TMEM132D: variants seen among roughly 807,000 people sequenced by gnomAD.
TMEM132D encodes the protein mature OL transmembrane protein.
In TMEM132D, 21 loss-of-function variants were observed where a neutral mutation model predicts 62.3. That is an observed-to-expected ratio of 0.34 (90% confidence interval 0.24 to 0.49). TMEM132D has a LOEUF of 0.49. Among genes scored for constraint, TMEM132D ranks in the 20% least tolerant of loss-of-function variants. The pLI is 0.99. For missense variants in TMEM132D, 1,346 were observed against 1,402.8 expected (o/e 0.96, Z 0.65); for synonymous variants, 621 against 575.6 (o/e 1.08, Z -1.13).
At chr12:129,354,683 A>G (rs1182411443) in intron 3 of TMEM132D, among the ~76,000 whole-genome samples, 2 of 152,138 alleles carry the variant, frequency 1.3e-5, no homozygotes, top group Non-Finnish European at 2.9e-5. Context: ...GTCTTACCCC[A>G]TGTAATCTTC....
At chr12:129,892,161 G>T (rs1874945168) in intron 1 of TMEM132D, among the ~76,000 whole-genome samples, 1 of 152,138 alleles carries the variant, frequency 6.6e-6, no homozygotes, top group South Asian at 2.1e-4. Flanking sequence ...AAAAGTTAAA[G>T]CAAAGCTAAA....
intron 3 of TMEM132D, among the ~76,000 whole-genome samples, chr12:129,454,126 G>A (rs777400173): frequency 6.6e-6 from 1 of 152,176 alleles, no homozygotes; most frequent in Non-Finnish European, 1.5e-5. Context: ...TTTGAGGTTA[G>A]CTTTTGTGTC....
At chr12:129,724,606 C>T (rs1469577120) in intron 1 of TMEM132D, among the ~76,000 whole-genome samples, 1 of 152,096 alleles carries the variant, frequency 6.6e-6, no homozygotes, top group Admixed American at 6.5e-5. Flanking sequence ...CACCGCAACC[C>T]CCGCCTCCCT....
At chr12:129,644,847 G>A (rs1055645044) in intron 2 of TMEM132D, among the ~76,000 whole-genome samples, 7 of 150,018 alleles carry the variant, frequency 4.7e-5, no homozygotes, top group Non-Finnish European at 7.4e-5. Flanking sequence ...ATAGCCCAGC[G>A]TCGTGGCGGG....
intron 2 of TMEM132D, among the ~76,000 whole-genome samples, chr12:129,607,661 G>GCA (rs1481206660): frequency 1.3e-5 from 2 of 152,202 alleles, no homozygotes; most frequent in Non-Finnish European, 2.9e-5. Context: ...ACCCTTGACT[G>GCA]CACACACTGA....
intron 2 of TMEM132D, among the ~76,000 whole-genome samples, chr12:129,583,050 T>C (rs908928876): frequency 1.3e-5 from 2 of 151,958 alleles, no homozygotes; most frequent in East Asian, 1.9e-4. Flanking sequence ...CTTTGTGATC[T>C]GCCCACCTCA....
chr12:129,715,641 G>A (rs1868543816), intron 1 of TMEM132D, among the ~76,000 whole-genome samples: 1 of 152,156 alleles, frequency 6.6e-6, no homozygotes, highest in African/African-American at 2.4e-5. Context: ...TTTACTCCAC[G>A]GAAATCTGTG....
intron 2 of TMEM132D, among the ~76,000 whole-genome samples, chr12:129,587,284 C>T (rs79630355): frequency 0.017 from 2,516 of 152,130 alleles, 65 homozygotes; most frequent in South Asian, 0.068. Context: ...CAAACTAATG[C>T]CAGGAACAGA....
At chr12:129,534,083 C>G (rs11060409) in intron 2 of TMEM132D, among the ~76,000 whole-genome samples, 33,868 of 152,126 alleles carry the variant, frequency 0.22, 4,038 homozygotes, top group Non-Finnish European at 0.25. Context: ...CTGGGCTCCA[C>G]TGGGTCTGAG....
chr12:129,457,370 C>G (rs1026951696), intron 3 of TMEM132D, among the ~76,000 whole-genome samples: 3 of 141,490 alleles, frequency 2.1e-5, no homozygotes, highest in African/African-American at 7.9e-5. Flanking sequence ...TGTTCTCACT[C>G]ATAGGTGGGA....
chr12:129,829,352 G>A (rs111263161), intron 1 of TMEM132D, among the ~76,000 whole-genome samples: 26 of 152,226 alleles, frequency 1.7e-4, no homozygotes, highest in African/African-American at 5.5e-4. Context: ...TCCTCTTCCC[G>A]GGAATTTAGG....
intron 2 of TMEM132D, among the ~76,000 whole-genome samples, chr12:129,549,622 T>C (rs1368262124): frequency 6.6e-6 from 1 of 152,230 alleles, no homozygotes; most frequent in African/African-American, 2.4e-5. Flanking sequence ...TCTTTTTCTT[T>C]ATAAATTACC....
At chr12:129,729,156 C>T (rs750629) in intron 1 of TMEM132D, among the ~76,000 whole-genome samples, 21,846 of 152,210 alleles carry the variant, frequency 0.14, 1,728 homozygotes, top group South Asian at 0.25. Context: ...GCCACAGTCT[C>T]TACCCAGCCC....
intron 5 of TMEM132D, among the ~76,000 whole-genome samples, chr12:129,186,797 T>C (rs1015803515): frequency 2.6e-5 from 4 of 152,240 alleles, no homozygotes; most frequent in Non-Finnish European, 5.9e-5. Flanking sequence ...TAAATGATAA[T>C]AGCAACTACA....
At chr12:129,485,147 T>C (rs2137056058) in intron 3 of TMEM132D, among the ~76,000 whole-genome samples, 1 of 152,256 alleles carries the variant, frequency 6.6e-6, no homozygotes, top group East Asian at 1.9e-4. Flanking sequence ...CACATATACG[T>C]GGTACATTAC....
chr12:129,840,241 C>G (rs912765903), intron 1 of TMEM132D: 8 of 152,154 alleles, frequency 5.3e-5, no homozygotes, highest in African/African-American at 1.9e-4. Context: ...AAGGTGTCGG[C>G]TGAAGCATGG....
At chr12:129,378,228 A>G (rs1328390768) in intron 3 of TMEM132D, among the ~76,000 whole-genome samples, 3 of 152,208 alleles carry the variant, frequency 2.0e-5, no homozygotes, top group African/African-American at 7.2e-5. Flanking sequence ...AAGATGTTTC[A>G]CTGGTGAGAA....
chr12:129,148,078 T>C (rs1313677795), intron 5 of TMEM132D, among the ~76,000 whole-genome samples: 1 of 152,198 alleles, frequency 6.6e-6, no homozygotes, highest in Non-Finnish European at 1.5e-5. Flanking sequence ...ACCATAATAG[T>C]AATGGGCTGT....
chr12:129,287,321 T>C (rs1881329428), intron 4 of TMEM132D, among the ~76,000 whole-genome samples: 1 of 152,164 alleles, frequency 6.6e-6, no homozygotes, highest in South Asian at 2.1e-4. Context: ...AGCACAGAAT[T>C]GAAAATGTAA....
Sources: gnomAD v4.1 joint callset for allele counts (sites outside exome capture counted in the v4.1 genomes callset) on GRCh38, gnomAD v4.1.1 for gene constraint, MANE v1.5 for transcripts, NCBI Gene and HGNC (gene_info 2026-07-23, HGNC 2026-07-21) for gene names.